The following CDKAL1 variants were observed in gnomAD, a reference collection of about 807,000 sequenced individuals.
CDKAL1 encodes CDKAL1 threonylcarbamoyladenosine tRNA methylthiotransferase.
In CDKAL1, 32 loss-of-function variants were observed where a neutral mutation model predicts 68.2. The observed-to-expected ratio is 0.47, with a 90% confidence interval of 0.35 to 0.63. CDKAL1 has a LOEUF of 0.63. Ranked by LOEUF, CDKAL1 falls within the 30% of genes least tolerant of loss-of-function variation. The pLI, the probability that CDKAL1 is intolerant of heterozygous loss-of-function variation, is 0.00. For synonymous variants in CDKAL1, 234 were observed against 244.3 expected, an observed-to-expected ratio of 0.96 and a Z score of 0.39; for missense variants, 606 against 696.7, an observed-to-expected ratio of 0.87 and a Z score of 1.47.
rs1473149165 is a variant in CDKAL1 at position 20,741,148 on chromosome 6, AGATGCAGTGTAAG to A, written c.468+1535_468+1547del. 2.0e-5 allele frequency among the ~76,000 whole-genome samples: 3 copies of A among 152,110 alleles called. No individual in the cohort carries two copies. The East Asian group carries it at 5.8e-4, about 29-fold the overall frequency. On this transcript the variant is annotated intron_variant, in intron 6 of 15. Transcript: ENST00000274695. ...TGTTAGGATGTACAGGAGATTCTCC[AGATGCAGTGTAAG>A]GGAGGACACTTAGTGCTATTAATAT... is the stretch of plus-strand genomic sequence containing the variant.
At chr6:20,640,776 G>A (rs1358788264) in intron 4 of CDKAL1, among the ~76,000 whole-genome samples, 1 of 152,120 alleles carries the variant, frequency 6.6e-6, no homozygotes, top group Admixed American at 6.6e-5. Flanking sequence ...GTCTGGGTTT[G>A]TAATCCCTGC....
At chr6:20,726,304 C>T (rs569326080) in intron 5 of CDKAL1, among the ~76,000 whole-genome samples, 7 of 152,136 alleles carry the variant, frequency 4.6e-5, no homozygotes, top group Non-Finnish European at 7.3e-5. Context: ...ACCCTCCCCC[C>T]ACCTGTTCTC....
At chr6:20,556,096 C>T (rs1011471304) in intron 4 of CDKAL1, among the ~76,000 whole-genome samples, 4 of 151,848 alleles carry the variant, frequency 2.6e-5, no homozygotes, top group African/African-American at 4.8e-5. Flanking sequence ...CGGGTGCGAT[C>T]GCTGTCGCCT....
intron 13 of CDKAL1, among the ~76,000 whole-genome samples, chr6:21,145,893 T>C (rs1776142886): frequency 6.6e-6 from 1 of 152,212 alleles, no homozygotes; most frequent in Non-Finnish European, 1.5e-5. Context: ...AGTGAGACCC[T>C]GCCTCAAAAA....
At chr6:21,060,530 T>C (rs1179076712) in intron 11 of CDKAL1, among the ~76,000 whole-genome samples, 1 of 152,130 alleles carries the variant, frequency 6.6e-6, no homozygotes, top group Non-Finnish European at 1.5e-5. Flanking sequence ...ATTTCATTGA[T>C]TTCTTATTTT....
At chr6:21,153,329 G>T (rs1030186379) in intron 13 of CDKAL1, among the ~76,000 whole-genome samples, 1 of 147,022 alleles carries the variant, frequency 6.8e-6, no homozygotes, top group Non-Finnish European at 1.5e-5. Flanking sequence ...ATTTATTTAA[G>T]ACTGTAATGA....
At chr6:20,890,409 A>G (rs749868850) in intron 9 of CDKAL1, among the ~76,000 whole-genome samples, 3 of 152,248 alleles carry the variant, frequency 2.0e-5, no homozygotes, top group Non-Finnish European at 2.9e-5. Flanking sequence ...CACTGTACAC[A>G]TTCATGAGGA....
intron 9 of CDKAL1, among the ~76,000 whole-genome samples, chr6:20,886,718 G>A (rs1761084403): frequency 6.6e-6 from 1 of 152,164 alleles, no homozygotes; most frequent in African/African-American, 2.4e-5. Flanking sequence ...GTAGATTAGA[G>A]GTTACCAGGG....
chr6:20,630,979 A>C (rs911626506), intron 4 of CDKAL1, among the ~76,000 whole-genome samples: 2 of 152,228 alleles, frequency 1.3e-5, no homozygotes, highest in Non-Finnish European at 2.9e-5. Flanking sequence ...CCTAGTCAAA[A>C]TTGAAATGTA....
intron 13 of CDKAL1, among the ~76,000 whole-genome samples, chr6:21,122,327 T>C (rs1774764974): frequency 6.6e-6 from 1 of 152,220 alleles, no homozygotes; most frequent in South Asian, 2.1e-4. Context: ...AGCCTTCTTT[T>C]TGAAGTACCA....
chr6:20,768,892 C>T (rs1774814514), intron 7 of CDKAL1, among the ~76,000 whole-genome samples: 1 of 152,112 alleles, frequency 6.6e-6, no homozygotes, highest in Admixed American at 6.6e-5. Flanking sequence ...GACCCATGAC[C>T]TGAGAGGGGA....
At chr6:20,872,310 A>G (rs1333737553) in intron 9 of CDKAL1, among the ~76,000 whole-genome samples, 1 of 152,150 alleles carries the variant, frequency 6.6e-6, no homozygotes, top group Non-Finnish European at 1.5e-5. Flanking sequence ...ATCTCTTTTA[A>G]AGGTTAATTT....
rs1234504262 is a variant in CDKAL1 at position 20,807,226 on chromosome 6, AT to A, written c.638+25975del. ...ATTTTTGAGGTCAGGGCCAAAATTG[AT>A]TTTTTTTTTTTTTGAGACGGAGTCT... On this transcript the variant is annotated intron_variant, in intron 8 of 15. Coordinates refer to ENST00000274695, the MANE Select transcript of CDKAL1 (RefSeq NM_017774.3). 6.9e-3 allele frequency among the ~76,000 whole-genome samples: 993 copies of A among 144,718 alleles called. 3 individuals carry two copies. The highest frequency in any genetic ancestry group is 0.02 in the African/African-American group (779 of 39,842). The allele number at this position is 144,718 out of a possible 152,430, so 94.9% of individuals were successfully genotyped here.
intron 7 of CDKAL1, among the ~76,000 whole-genome samples, chr6:20,759,836 G>T (rs1488358781): frequency 6.6e-6 from 1 of 152,106 alleles, no homozygotes; most frequent in African/African-American, 2.4e-5. Context: ...TAGCACAAAT[G>T]AAAACCAATA....
At chr6:20,657,749 G>A (rs1769093321) in intron 5 of CDKAL1, among the ~76,000 whole-genome samples, 1 of 152,066 alleles carries the variant, frequency 6.6e-6, no homozygotes, top group South Asian at 2.1e-4. Flanking sequence ...TTGTATTATT[G>A]ATATTCAGAC....
At chr6:20,813,627 T>C (rs1776914223) in intron 8 of CDKAL1, among the ~76,000 whole-genome samples, 1 of 152,220 alleles carries the variant, frequency 6.6e-6, no homozygotes, top group Non-Finnish European at 1.5e-5. Flanking sequence ...TTTTCCATGT[T>C]GTATGAAATA....
Position 21,001,443 on chromosome 6 carries a change from G to GT in CDKAL1, c.1055+1080dup, listed in dbSNP as rs770945947. ...ACCTTTCCATTACATATCTTTCTAA[G>GT]TTTTTTTTTAACCTCTAGGCATTCT... On this transcript the variant is annotated intron_variant, in intron 11 of 15. Transcript: ENST00000274695. Among the ~76,000 whole-genome samples the GT allele has an allele frequency of 4.0e-3, 582 of 145,430 alleles. 1 individual carries two copies. Among genetic ancestry groups the GT allele is most frequent in the Non-Finnish European group, 6.3e-3 (414 of 65,892 alleles).
At chr6:20,643,448 T>A (rs1460830151) in intron 4 of CDKAL1, among the ~76,000 whole-genome samples, 1 of 152,252 alleles carries the variant, frequency 6.6e-6, no homozygotes, top group East Asian at 1.9e-4. Flanking sequence ...ATCTTAAAAT[T>A]GATAAGAACT....
intron 13 of CDKAL1, among the ~76,000 whole-genome samples, chr6:21,160,599 AT>A (rs57353051): frequency 0.26 from 34,386 of 134,290 alleles, 4,676 homozygotes; most frequent in African/African-American, 0.33. Flanking sequence ...CCCAGCCAAG[AT>A]TTTTTTTTTT....
Sources: allele counts gnomAD v4.1 joint callset (sites outside exome capture counted in the v4.1 genomes callset), GRCh38; gene constraint gnomAD v4.1.1; transcripts MANE v1.5; gene names NCBI Gene and HGNC (gene_info 2026-07-23, HGNC 2026-07-21).